PDS5A: variants seen among roughly 807,000 people sequenced by gnomAD.
PDS5A encodes the protein PDS5 cohesin associated factor A.
PDS5A carries 42 observed loss-of-function variants against 167.1 expected under a neutral mutation model. That is an observed-to-expected ratio of 0.25 (90% CI 0.20 to 0.33). The LOEUF (loss-of-function observed/expected upper bound fraction) is 0.33, where lower values mean the gene tolerates loss of function less well. PDS5A is among the 10% of genes least tolerant of loss of function. The pLI is 1.00. For synonymous variants in PDS5A, 553 were observed against 554.6 expected, an observed-to-expected ratio of 1.00 and a Z score of 0.04; for missense variants, 1,033 against 1,605.9, an observed-to-expected ratio of 0.64 and a Z score of 6.10.
chr4:39,917,700 G>C (rs1266372227), intron 7 of PDS5A, among the ~76,000 whole-genome samples: 1 of 151,948 alleles, frequency 6.6e-6, no homozygotes, highest in Non-Finnish European at 1.5e-5. Flanking sequence ...TCAATCTCTC[G>C]AGTAGCTGGG....
At chr4:39,911,660 G>A (rs1723897374) in intron 9 of PDS5A, among the ~76,000 whole-genome samples, 3 of 151,888 alleles carry the variant, frequency 2.0e-5, no homozygotes, top group Admixed American at 6.6e-5. Context: ...GTGAAACCCT[G>A]TCTCTACTAA....
At chr4:39,955,171 C>T (rs1466956995) in intron 2 of PDS5A, among the ~76,000 whole-genome samples, 2 of 152,104 alleles carry the variant, frequency 1.3e-5, no homozygotes, top group Non-Finnish European at 2.9e-5. Flanking sequence ...GGACAATATG[C>T]TAAATCTAAC....
intron 10 of PDS5A, among the ~76,000 whole-genome samples, chr4:39,909,035 T>C (rs546982624): frequency 9.4e-4 from 110 of 116,932 alleles, no homozygotes; most frequent in African/African-American, 3.1e-3. Context: ...TGACGCCCTG[T>C]ATCAAAAAAT....
At chr4:39,893,345 C>T (rs1317048969) in intron 16 of PDS5A, among the ~76,000 whole-genome samples, 3 of 152,186 alleles carry the variant, frequency 2.0e-5, no homozygotes, top group Admixed American at 6.5e-5. Flanking sequence ...CACAAATACA[C>T]GTCTCTTTTG....
chr4:39,935,915 G>A (rs977243809), intron 2 of PDS5A, among the ~76,000 whole-genome samples: 1 of 152,084 alleles, frequency 6.6e-6, no homozygotes, highest in Non-Finnish European at 1.5e-5. Flanking sequence ...ATACAAGTAC[G>A]TGTTCCTAAC....
chr4:39,966,810 C>T lies in PDS5A; in HGVS notation c.138+9630G>A, dbSNP rs1455824549. On this transcript the variant is annotated intron_variant, in intron 2 of 32. Coordinates refer to ENST00000303538, the MANE Select transcript of PDS5A (RefSeq NM_001100399.2). ...GTCAGGGGTTCAAGACCAGTCTGGC[C>T]AACATGGTGAAACCCCGTCTCTACT... Among the ~76,000 whole-genome samples the T allele has an allele frequency of 2.0e-5, 3 of 151,602 alleles. No individual in the cohort carries two copies. In the East Asian group the frequency reaches 5.8e-4, roughly 29 times the overall value.
chr4:39,896,034 T>C (rs1203748275), intron 16 of PDS5A, among the ~76,000 whole-genome samples: 1 of 150,876 alleles, frequency 6.6e-6, no homozygotes, highest in Non-Finnish European at 1.5e-5. Flanking sequence ...CGGTTTTTTT[T>C]TTTTTTAGCT....
At chr4:39,884,561 A>AT (rs1310082712) in intron 17 of PDS5A, among the ~76,000 whole-genome samples, 1 of 152,000 alleles carries the variant, frequency 6.6e-6, no homozygotes, top group Admixed American at 6.6e-5. Flanking sequence ...GTTCATTGTG[A>AT]TTTTTTCCCA....
intron 28 of PDS5A, chr4:39,846,957 A>T (rs909290606): frequency 6.6e-6 from 1 of 152,182 alleles, no homozygotes; most frequent in African/African-American, 2.4e-5. Flanking sequence ...CATTCACTTC[A>T]TTCATAAAGA....
At position 39,838,008 on chromosome 4, in the gene PDS5A, A is replaced by C. The variant is rs769446864; in HGVS notation, c.3858T>G (p.Asp1286Glu). ...SESQGNATKN[D>E]DLNKPINKGR... ...CCTTGTTAATAGGTTTATTTAGATCATCATTTTTGGTAGCATTGCCCTGAG... is the reference window on the plus strand; with the variant it reads ...CCTTGTTAATAGGTTTATTTAGATCCTCATTTTTGGTAGCATTGCCCTGAG... The change falls in exon 32 of 33, where the codon GAT becomes GAG. Residue 1286 changes from aspartate (D) to glutamate (E), a missense_variant. Asp to Glu is a conservative substitution (Grantham distance 45). Coordinates refer to ENST00000303538, the MANE Select transcript of PDS5A (RefSeq NM_001100399.2). 11 of 1,613,960 alleles carry C rather than the reference A, an allele frequency of 6.8e-6. No homozygotes were observed. Among genetic ancestry groups the C allele is most frequent in the East Asian group, 2.2e-5 (1 of 44,880 alleles).
chr4:39,828,425 T>C (rs1715509501), intron 32 of PDS5A, among the ~76,000 whole-genome samples: 1 of 152,142 alleles, frequency 6.6e-6, no homozygotes, highest in Non-Finnish European at 1.5e-5. Context: ...CTAAAAATAA[T>C]CATTACTGAC....
intron 2 of PDS5A, among the ~76,000 whole-genome samples, chr4:39,934,040 T>C (rs755381984): frequency 3.9e-5 from 6 of 152,202 alleles, no homozygotes; most frequent in East Asian, 1.9e-4. Context: ...ATTGTGAAGA[T>C]AGAGGGAAGA....
chr4:39,836,621 T>A (rs1349494897), intron 32 of PDS5A, among the ~76,000 whole-genome samples: 2 of 136,764 alleles, frequency 1.5e-5, no homozygotes, highest in East Asian at 2.1e-4. Context: ...TTCTATTTTT[T>A]TTTTTTTTTT....
intron 19 of PDS5A, among the ~76,000 whole-genome samples, chr4:39,875,464 T>C (rs1720386696): frequency 6.6e-6 from 1 of 152,192 alleles, no homozygotes; most frequent in African/African-American, 2.4e-5. Flanking sequence ...TATTTAATGT[T>C]ATTAGAGAAG....
At chr4:39,943,192 A>C (rs577920262) in intron 2 of PDS5A, among the ~76,000 whole-genome samples, 1 of 151,866 alleles carries the variant, frequency 6.6e-6, no homozygotes, top group Non-Finnish European at 1.5e-5. Flanking sequence ...ATATACATAT[A>C]TCTCACAATA....
intron 2 of PDS5A, among the ~76,000 whole-genome samples, chr4:39,971,752 G>A (rs576925943): frequency 1.2e-3 from 180 of 152,248 alleles, no homozygotes; most frequent in African/African-American, 4.2e-3. Flanking sequence ...GAGCCCCTGC[G>A]TCCGGGCTTA....
At chr4:39,925,954 T>C (rs1340463849) in intron 4 of PDS5A, 21 bp from the exon 5 acceptor site, 6 of 862,368 alleles carry the variant, frequency 7.0e-6, no homozygotes. Context: ...TAAAAATAAT[T>C]ATTGAATTAT....
chr4:39,844,680 T>C lies in PDS5A; in HGVS notation c.3524A>G (p.Asn1175Ser). 1 of 1,612,154 alleles carries C rather than the reference T, an allele frequency of 6.2e-7. No homozygotes were observed. The highest frequency in any genetic ancestry group is 1.1e-5 in the South Asian group (1 of 90,636). The change falls in exon 30 of 33, where the codon AAC (asparagine) becomes AGC (serine). Residue 1175 changes from asparagine to serine, a missense_variant. This residue lies in a region of PDS5A where 233 missense variants were observed against 264.0 expected (regional missense o/e 0.88). Transcript: ENST00000303538. The part of the protein sequence containing the change: ...GSNINVNSEL[N>S]PSTGNRSREQ... ...CCTTGATCGATTTCCGGTTGAAGGG[T>C]TCAGCTCTGAATTTACATTAATATT...
intron 2 of PDS5A, among the ~76,000 whole-genome samples, chr4:39,967,065 G>A (rs916677519): frequency 1.1e-4 from 17 of 152,132 alleles, no homozygotes; most frequent in Non-Finnish European, 2.1e-4. Flanking sequence ...AGCGCTTTGG[G>A]AGGCCGAGGT....
Sources: allele counts gnomAD v4.1 joint callset (sites outside exome capture counted in the v4.1 genomes callset), GRCh38; gene constraint gnomAD v4.1.1; regional missense constraint gnomAD v4.1.1; transcripts MANE v1.5; gene names NCBI Gene and HGNC (gene_info 2026-07-23, HGNC 2026-07-21).